The following NRG3 variants were observed in gnomAD, a reference collection of about 807,000 sequenced individuals.
NRG3 encodes pro-neuregulin-3, membrane-bound isoform.
Under a neutral mutation model 66.9 loss-of-function variants are expected in NRG3, and 31 were observed. That is an observed-to-expected ratio of 0.46 (90% CI 0.35 to 0.63). The LOEUF (loss-of-function observed/expected upper bound fraction) is 0.63. NRG3 is among the 20% of genes least tolerant of loss of function. The probability of loss-of-function intolerance (pLI) is 0.00; values close to 1 mark genes in which losing one functional copy is unlikely to be tolerated. For synonymous variants in NRG3, 393 were observed against 359.4 expected, an observed-to-expected ratio of 1.09 and a Z score of -1.06; for missense variants, 910 against 878.9, an observed-to-expected ratio of 1.04 and a Z score of -0.45.
At chr10:82,803,492 CA>C (rs1411088346) in intron 3 of NRG3, among the ~76,000 whole-genome samples, 3 of 152,144 alleles carry the variant, frequency 2.0e-5, no homozygotes, top group Non-Finnish European at 4.4e-5. Context: ...AATGTTAGTT[CA>C]ATAATCTCAT....
intron 2 of NRG3, among the ~76,000 whole-genome samples, chr10:82,490,135 T>A (rs1299950151): frequency 6.6e-6 from 1 of 152,212 alleles, no homozygotes; most frequent in East Asian, 1.9e-4. Flanking sequence ...AAGAAAACTG[T>A]CATCTGACCC....
intron 3 of NRG3, among the ~76,000 whole-genome samples, chr10:82,851,407 C>T (rs2063554118): frequency 1.3e-5 from 2 of 152,234 alleles, no homozygotes; most frequent in African/African-American, 4.8e-5. Flanking sequence ...AAATGCATGG[C>T]TCAGCAGCAG....
At chr10:82,574,743 A>C (rs2045937241) in intron 2 of NRG3, among the ~76,000 whole-genome samples, 1 of 151,834 alleles carries the variant, frequency 6.6e-6, no homozygotes, top group Non-Finnish European at 1.5e-5. Context: ...GATTTGTGTC[A>C]TTTTGATACC....
chr10:82,826,891 G>A (rs886324987), intron 3 of NRG3, among the ~76,000 whole-genome samples: 1 of 151,322 alleles, frequency 6.6e-6, no homozygotes, highest in Non-Finnish European at 1.5e-5. Flanking sequence ...ACCTGCACAT[G>A]TACCCCCTGC....
At chr10:82,258,535 T>C (rs1260460526) in intron 1 of NRG3, among the ~76,000 whole-genome samples, 1 of 152,204 alleles carries the variant, frequency 6.6e-6, no homozygotes, top group Non-Finnish European at 1.5e-5. Flanking sequence ...ATAACAATCA[T>C]TGCACAAAGG....
chr10:82,581,662 G>T (rs2790706), intron 2 of NRG3, among the ~76,000 whole-genome samples: 13,362 of 151,940 alleles, frequency 0.088, 647 homozygotes, highest in East Asian at 0.15. Context: ...GGTGATGGTT[G>T]CTCAATGTTA....
intron 1 of NRG3, among the ~76,000 whole-genome samples, chr10:82,030,086 G>A (rs1346105834): frequency 1.3e-5 from 2 of 152,090 alleles, no homozygotes; most frequent in African/African-American, 2.4e-5. Context: ...CTCTTGGCAT[G>A]GGTGATTTTT....
intron 4 of NRG3, among the ~76,000 whole-genome samples, chr10:82,929,880 A>G (rs1459678970): frequency 2.6e-5 from 4 of 151,860 alleles, no homozygotes; most frequent in Admixed American, 6.6e-5. Context: ...CATCTCAAAA[A>G]AAAAAAAAAA....
intron 1 of NRG3, among the ~76,000 whole-genome samples, chr10:82,318,983 G>T (rs1834731744): frequency 6.6e-6 from 1 of 152,034 alleles, no homozygotes; most frequent in Non-Finnish European, 1.5e-5. Context: ...TCCTTGTGCA[G>T]AAAAAACAGA....
At chr10:82,301,337 T>G (rs886309720) in intron 1 of NRG3, among the ~76,000 whole-genome samples, 1 of 152,220 alleles carries the variant, frequency 6.6e-6, no homozygotes, top group African/African-American at 2.4e-5. Flanking sequence ...TTAAAATATT[T>G]ATGTCTCTAT....
At chr10:81,957,140 T>C (rs768170561) in intron 1 of NRG3, among the ~76,000 whole-genome samples, 7 of 152,118 alleles carry the variant, frequency 4.6e-5, no homozygotes, top group Non-Finnish European at 1.0e-4. Flanking sequence ...TCCATAGCCC[T>C]AGGTGATGGC....
chr10:82,381,821 G>A (rs1416971027), intron 2 of NRG3, among the ~76,000 whole-genome samples: 4 of 152,108 alleles, frequency 2.6e-5, no homozygotes, highest in African/African-American at 4.8e-5. Context: ...ACCTTTCATA[G>A]CAAGAAGGTG....
chr10:82,669,043 C>G (rs2053033639), intron 2 of NRG3, among the ~76,000 whole-genome samples: 1 of 152,080 alleles, frequency 6.6e-6, no homozygotes, highest in South Asian at 2.1e-4. Flanking sequence ...TATTTTCCAT[C>G]ATCACCACCA....
intron 2 of NRG3, among the ~76,000 whole-genome samples, chr10:82,460,262 A>G (rs139737494): frequency 2.1e-4 from 32 of 152,302 alleles, no homozygotes; most frequent in African/African-American, 7.5e-4. Flanking sequence ...TTGTGCGGCT[A>G]AGGCTTTGGA....
At chr10:82,626,470 C>T (rs1421624616) in intron 2 of NRG3, among the ~76,000 whole-genome samples, 2 of 152,004 alleles carry the variant, frequency 1.3e-5, no homozygotes, top group Non-Finnish European at 2.9e-5. Context: ...AAATCACCCA[C>T]ATATTGTGTC....
At chr10:82,357,911 G>A (rs2083885251) in intron 1 of NRG3, among the ~76,000 whole-genome samples, 1 of 152,138 alleles carries the variant, frequency 6.6e-6, no homozygotes, top group Admixed American at 6.5e-5. Context: ...GACTTTTTAA[G>A]TATATTTTTT....
At chr10:82,149,979 A>G (rs1275040237) in intron 1 of NRG3, among the ~76,000 whole-genome samples, 1 of 152,144 alleles carries the variant, frequency 6.6e-6, no homozygotes, top group Non-Finnish European at 1.5e-5. Flanking sequence ...CTGTGCCAGG[A>G]ATCCCGACGA....
At chr10:82,260,875 T>G (rs1311300847) in intron 1 of NRG3, among the ~76,000 whole-genome samples, 1 of 152,016 alleles carries the variant, frequency 6.6e-6, no homozygotes, top group Non-Finnish European at 1.5e-5. Flanking sequence ...AGCAGAGAGG[T>G]CTGGAGTTGA....
chr10:82,655,212 A>T (rs1414159964), intron 2 of NRG3, among the ~76,000 whole-genome samples: 4 of 152,128 alleles, frequency 2.6e-5, no homozygotes, highest in African/African-American at 9.7e-5. Flanking sequence ...TCTTAATGAA[A>T]AATAAAGGAT....
Sources: gnomAD v4.1 joint callset for allele counts (sites outside exome capture counted in the v4.1 genomes callset) on GRCh38, gnomAD v4.1.1 for gene constraint, MANE v1.5 for transcripts, NCBI Gene and HGNC (gene_info 2026-07-23, HGNC 2026-07-21) for gene names.